The following STPG2 variants were observed in gnomAD, a reference collection of about 807,000 sequenced individuals.
STPG2 encodes sperm tail PG-rich repeat containing 2.
STPG2 carries 56 observed loss-of-function variants against 54.2 expected under a neutral mutation model. That is an observed-to-expected ratio of 1.03 (90% CI 0.83 to 1.29). The LOEUF (loss-of-function observed/expected upper bound fraction) is 1.29, where lower values mean the gene tolerates loss of function less well. Ranked by LOEUF, STPG2 falls within the 50% of genes most tolerant of loss-of-function variation. The probability of loss-of-function intolerance (pLI) is 0.00; values close to 1 mark genes in which losing one functional copy is unlikely to be tolerated. For synonymous variants in STPG2, 200 were observed against 181.8 expected (o/e 1.10, Z -0.81); for missense variants, 596 against 544.9 (o/e 1.09, Z -0.93).
chr4:97,788,603 G>A (rs947429492), intron 9 of STPG2, among the ~76,000 whole-genome samples: 1 of 152,068 alleles, frequency 6.6e-6, no homozygotes, highest in African/African-American at 2.4e-5. Flanking sequence ...CAGTGGGACT[G>A]CTAGATCATA....
At chr4:98,066,492 G>A (rs1248675316) in intron 5 of STPG2, among the ~76,000 whole-genome samples, 3 of 152,176 alleles carry the variant, frequency 2.0e-5, no homozygotes, top group African/African-American at 4.8e-5. Context: ...GGGAGGCTAA[G>A]GCAGGAGAAT....
At chr4:97,864,864 G>A (rs1729705158) in intron 8 of STPG2, among the ~76,000 whole-genome samples, 1 of 152,100 alleles carries the variant, frequency 6.6e-6, no homozygotes, top group Non-Finnish European at 1.5e-5. Flanking sequence ...TTCAACAAAT[G>A]GTGCTGGGAA....
chr4:97,857,533 A>T (rs1032358943), intron 8 of STPG2, among the ~76,000 whole-genome samples: 22 of 151,916 alleles, frequency 1.4e-4, no homozygotes, highest in African/African-American at 5.1e-4. Flanking sequence ...TGTGTATTTG[A>T]TTCTTCTCTA....
At chr4:97,707,238 G>A (rs1379154346) in intron 10 of STPG2, among the ~76,000 whole-genome samples, 4 of 152,098 alleles carry the variant, frequency 2.6e-5, no homozygotes, top group African/African-American at 9.7e-5. Flanking sequence ...AAGAGAATGA[G>A]AGAGCTGGGT....
intron 7 of STPG2, among the ~76,000 whole-genome samples, chr4:97,953,108 G>T (rs971816725): frequency 6.6e-6 from 1 of 152,134 alleles, no homozygotes; most frequent in Non-Finnish European, 1.5e-5. Flanking sequence ...GCAAAGCCAG[G>T]TGGGGGCTCC....
chr4:97,793,370 T>TATACACACAC (rs1316581246), intron 9 of STPG2, among the ~76,000 whole-genome samples: 20 of 147,880 alleles, frequency 1.4e-4, no homozygotes, highest in African/African-American at 4.4e-4. Context: ...GTTTTATATA[T>TATACACACAC]ACACACACAC....
At chr4:97,805,826 T>A (rs1727542305) in intron 9 of STPG2, among the ~76,000 whole-genome samples, 2 of 150,884 alleles carry the variant, frequency 1.3e-5, no homozygotes, top group African/African-American at 4.9e-5. Context: ...AGAATTCCTA[T>A]TATTAAAAAG....
chr4:97,693,715 T>C (rs1723457594), intron 10 of STPG2, among the ~76,000 whole-genome samples: 1 of 152,176 alleles, frequency 6.6e-6, no homozygotes. Context: ...AAATATACAT[T>C]CTATTCATTA....
At position 98,006,711 on chromosome 4, in the gene STPG2, C is replaced by A. The variant is rs372179618; in HGVS notation, c.613-25393G>T. Among the ~76,000 whole-genome samples, 26 of 152,254 alleles carry A rather than the reference C, an allele frequency of 1.7e-4. 1 individual carries two copies. Among genetic ancestry groups the A allele is most frequent in the African/African-American group, 5.8e-4 (24 of 41,564 alleles). On this transcript the variant is annotated intron_variant, in intron 5 of 10. Transcript: ENST00000295268. ...GATTTGCTGACAAGCTCTGATTTTA[C>A]CTAGGTAGCAAGATTTGAGGCCAAG...
intron 8 of STPG2, among the ~76,000 whole-genome samples, chr4:97,907,115 A>T (rs1417691980): frequency 6.6e-6 from 1 of 152,060 alleles, no homozygotes; most frequent in Admixed American, 6.6e-5. Flanking sequence ...TATCTAGGGA[A>T]CCCCATTATC....
At chr4:97,568,404 T>C (rs544150136) in intron 10 of STPG2, among the ~76,000 whole-genome samples, 2 of 152,270 alleles carry the variant, frequency 1.3e-5, no homozygotes, top group East Asian at 1.9e-4. Context: ...GTTATGAGTA[T>C]GTAATAGTGG....
intron 5 of STPG2, among the ~76,000 whole-genome samples, chr4:98,002,468 G>GA (rs1247567339): frequency 6.6e-6 from 1 of 151,970 alleles, no homozygotes; most frequent in Non-Finnish European, 1.5e-5. Context: ...ATGGCAATCA[G>GA]AAAAAGAAGT....
chr4:97,597,232 C>A (rs1425087960), intron 10 of STPG2, among the ~76,000 whole-genome samples: 1 of 152,004 alleles, frequency 6.6e-6, no homozygotes, highest in Non-Finnish European at 1.5e-5. Context: ...CCTGAACAGA[C>A]CAATAATGAG....
At chr4:98,139,131 T>C (rs1002089181) in intron 1 of STPG2, among the ~76,000 whole-genome samples, 4 of 152,176 alleles carry the variant, frequency 2.6e-5, no homozygotes, top group Non-Finnish European at 5.9e-5. Flanking sequence ...TCCTACCTCA[T>C]GAAAGCAGAA....
chr4:98,127,327 T>C (rs959705628), intron 3 of STPG2, among the ~76,000 whole-genome samples: 8 of 152,180 alleles, frequency 5.3e-5, no homozygotes, highest in Admixed American at 1.3e-4. Flanking sequence ...ACAATTAAAA[T>C]GTTTTAAGAA....
chr4:97,969,382 A>C (rs945307835), intron 7 of STPG2, among the ~76,000 whole-genome samples: 1 of 152,154 alleles, frequency 6.6e-6, no homozygotes, highest in Non-Finnish European at 1.5e-5. Context: ...ATCTCACCTC[A>C]TAATCAAATG....
At position 97,559,295 on chromosome 4, in the gene STPG2, T is replaced by C. The variant is rs563314731; in HGVS notation, c.1321-178A>G. On this transcript the variant is annotated intron_variant, in intron 10 of 10. Coordinates refer to ENST00000295268, the MANE Select transcript of STPG2 (RefSeq NM_174952.3). ...CTTGTTTTATTACTTCGTTCAAAAA[T>C]TAATTGTGTTGTGAATATAATCAAT... is the stretch of plus-strand genomic sequence containing the variant. 4.5e-4 allele frequency among the ~76,000 whole-genome samples: 69 copies of C among 152,286 alleles called. No homozygotes were observed. The South Asian group carries it at 0.013, about 28-fold the overall frequency.
At chr4:97,744,458 A>G (rs1359275753) in intron 9 of STPG2, among the ~76,000 whole-genome samples, 2 of 151,258 alleles carry the variant, frequency 1.3e-5, no homozygotes, top group Non-Finnish European at 3.0e-5. Flanking sequence ...GTTTAATTCT[A>G]TTAAACATTT....
intron 9 of STPG2, among the ~76,000 whole-genome samples, chr4:97,806,651 A>C (rs575412299): frequency 1.0e-3 from 153 of 152,174 alleles, no homozygotes; most frequent in African/African-American, 3.4e-3. Flanking sequence ...TTCACCCCTA[A>C]TATAAACTAG....
Sources: allele counts gnomAD v4.1 joint callset (sites outside exome capture counted in the v4.1 genomes callset), GRCh38; gene constraint gnomAD v4.1.1; transcripts MANE v1.5; gene names NCBI Gene and HGNC (gene_info 2026-07-23, HGNC 2026-07-21).